The following SUSD4 variants were observed in gnomAD, a reference collection of about 807,000 sequenced individuals.
SUSD4 encodes sushi domain containing 4.
SUSD4 carries 41 observed loss-of-function variants against 50.5 expected under a neutral mutation model. That is an observed-to-expected ratio of 0.81 (90% confidence interval 0.63 to 1.05). The LOEUF (loss-of-function observed/expected upper bound fraction) is 1.05. Ranked by LOEUF, SUSD4 falls within the 50% of genes least tolerant of loss-of-function variation. The pLI is 0.00. For missense variants in SUSD4, 580 were observed against 634.7 expected, an observed-to-expected ratio of 0.91 and a Z score of 0.93; for synonymous variants, 257 against 257.3, an observed-to-expected ratio of 1.00 and a Z score of 0.01.
At chr1:223,311,277 G>A (rs1453628138) in intron 2 of SUSD4, among the ~76,000 whole-genome samples, 1 of 152,224 alleles carries the variant, frequency 6.6e-6, no homozygotes, top group Admixed American at 6.5e-5. Context: ...GGTTTGTGAA[G>A]AAAGGAAGTA....
chr1:223,324,164 G>A (rs1432259570), intron 2 of SUSD4, among the ~76,000 whole-genome samples: 1 of 147,054 alleles, frequency 6.8e-6, no homozygotes, highest in Non-Finnish European at 1.5e-5. Context: ...ATGGCATCAG[G>A]CACATAGTGG....
intron 2 of SUSD4, among the ~76,000 whole-genome samples, chr1:223,301,806 C>A (rs1361757724): frequency 6.6e-6 from 1 of 152,148 alleles, no homozygotes; most frequent in Non-Finnish European, 1.5e-5. Context: ...CTAAAATGAA[C>A]CGTGTCAGTT....
intron 2 of SUSD4, among the ~76,000 whole-genome samples, chr1:223,341,833 C>T (rs1408957713): frequency 6.6e-6 from 1 of 151,858 alleles, no homozygotes; most frequent in East Asian, 2.0e-4. Flanking sequence ...GGGTACAAAC[C>T]CATTTCACCC....
At chr1:223,362,942 C>T (rs1669074462) in intron 2 of SUSD4, among the ~76,000 whole-genome samples, 1 of 24,082 alleles carries the variant, frequency 4.2e-5, no homozygotes, top group Admixed American at 3.6e-4. Flanking sequence ...CACCCCCCAC[C>T]CCTCCCCCCC....
chr1:223,355,230 T>C (rs1471253848), intron 2 of SUSD4, among the ~76,000 whole-genome samples: 1 of 152,084 alleles, frequency 6.6e-6, no homozygotes, highest in African/African-American at 2.4e-5. Flanking sequence ...CATGCCACCA[T>C]GCCCAGCTAA....
intron 3 of SUSD4, among the ~76,000 whole-genome samples, chr1:223,283,269 G>T (rs1282260704): frequency 2.0e-5 from 3 of 152,086 alleles, no homozygotes; most frequent in Non-Finnish European, 2.9e-5. Flanking sequence ...CACAGCAAAA[G>T]AAACTACCAT....
chr1:223,286,247 C>T (rs568642695), intron 3 of SUSD4, among the ~76,000 whole-genome samples: 38 of 152,330 alleles, frequency 2.5e-4, no homozygotes, highest in Non-Finnish European at 4.4e-4. Flanking sequence ...TCCCGAGTAG[C>T]TGGGACTACA....
At chr1:223,281,821 T>C (rs554523979) in intron 3 of SUSD4, among the ~76,000 whole-genome samples, 2 of 152,210 alleles carry the variant, frequency 1.3e-5, no homozygotes, top group South Asian at 2.1e-4. Flanking sequence ...CTGATAAACA[T>C]CGATGCAAAA....
At chr1:223,309,325 C>T (rs1352524148) in intron 2 of SUSD4, among the ~76,000 whole-genome samples, 1 of 152,198 alleles carries the variant, frequency 6.6e-6, no homozygotes, top group South Asian at 2.1e-4. Context: ...CTTACACCCG[C>T]ACTCTGCTGT....
chr1:223,299,134 C>T (rs1230491693), intron 2 of SUSD4, among the ~76,000 whole-genome samples: 2 of 152,214 alleles, frequency 1.3e-5, no homozygotes, highest in African/African-American at 4.8e-5. Context: ...CAGATCAATT[C>T]CCAGCCTGGG....
chr1:223,281,274 C>A (rs1663704172), intron 3 of SUSD4, among the ~76,000 whole-genome samples: 1 of 152,034 alleles, frequency 6.6e-6, no homozygotes, highest in Non-Finnish European at 1.5e-5. Flanking sequence ...ACAAAAAACC[C>A]TTCAAAAAAT....
At chr1:223,355,782 C>G (rs184258464) in intron 2 of SUSD4, among the ~76,000 whole-genome samples, 87 of 152,236 alleles carry the variant, frequency 5.7e-4, no homozygotes, top group Middle Eastern at 3.4e-3. Context: ...AGAACGTCAC[C>G]CTTACTCATC....
intron 5 of SUSD4, among the ~76,000 whole-genome samples, chr1:223,247,169 G>A (rs1481361863): frequency 1.3e-5 from 2 of 152,162 alleles, no homozygotes; most frequent in African/African-American, 4.8e-5. Context: ...CACACAGCTC[G>A]TGGGAGAGGC....
chr1:223,315,477 C>G (rs181271317), intron 2 of SUSD4, among the ~76,000 whole-genome samples: 1 of 152,208 alleles, frequency 6.6e-6, no homozygotes, highest in Admixed American at 6.5e-5. Context: ...CCGCGGACTC[C>G]GCCAACTGGT....
chr1:223,273,247 T>C (rs139170760), intron 3 of SUSD4, among the ~76,000 whole-genome samples: 111 of 152,266 alleles, frequency 7.3e-4, no homozygotes, highest in African/African-American at 2.2e-3. Context: ...ACAGGCCAGA[T>C]CATGCAGGGC....
Position 223,229,360 on chromosome 1 carries a change from G to T in SUSD4, c.753C>A (p.His251Gln). 1 of 1,603,596 alleles carries T rather than the reference G, an allele frequency of 6.2e-7. No individual in the cohort carries two copies. Among genetic ancestry groups the T allele is most frequent in the Non-Finnish European group, 8.5e-7 (1 of 1,171,944 alleles). The change falls in exon 6 of 9, where the codon CAC (histidine) becomes CAA (glutamine). Residue 251 changes from histidine (H) to glutamine (Q), a missense_variant. Physicochemically the swap from His to Gln is conservative, Grantham distance 24. Coordinates refer to ENST00000366878, the MANE Select transcript of SUSD4 (RefSeq NM_017982.4). This position sits in a 1 kb window ranked among gnomAD's most constrained non-coding sequence, Gnocchi z 4.7. ...EVCPLPPMVS[H>Q]GDFVCHPRPC... ...GCCGCGGGTGGCAGACGAAATCTCC[G>T]TGACTCACCATTGGAGGTAGTGGAC...
intron 5 of SUSD4, among the ~76,000 whole-genome samples, chr1:223,253,086 C>A (rs1661445277): frequency 6.6e-6 from 1 of 150,852 alleles, no homozygotes; most frequent in Non-Finnish European, 1.5e-5. Flanking sequence ...GAGTGAGGCT[C>A]CGTTTCCAAA....
Position 223,363,457 on chromosome 1 carries a change from G to C in SUSD4, c.-32C>G, listed in dbSNP as rs778850805. The C allele has an allele frequency of 1.3e-6, 2 of 1,506,412 alleles. No individual in the cohort carries two copies. Among genetic ancestry groups the C allele is most frequent in the Non-Finnish European group, 1.8e-6 (2 of 1,119,078 alleles). 93.3% of individuals were successfully genotyped at this position (1,506,412 alleles called of 1,614,324 possible). A position where few individuals can be genotyped will look rare whatever the true frequency, so the allele number is the denominator to read the frequency against. On this transcript the variant is annotated 5_prime_UTR_variant, in exon 2 of 9. Coordinates refer to ENST00000366878, the MANE Select transcript of SUSD4 (RefSeq NM_017982.4). ...TCCACAGAGGGCATCCAGCTTGCAA[G>C]AGTCTGCAACCAGAAGCGGAACACC...
chr1:223,292,154 A>G (rs964706646), intron 3 of SUSD4, among the ~76,000 whole-genome samples: 1 of 152,232 alleles, frequency 6.6e-6, no homozygotes, highest in African/African-American at 2.4e-5. Context: ...GCCTAATAAT[A>G]AATACCCGTA....
Sources: allele counts gnomAD v4.1 joint callset (sites outside exome capture counted in the v4.1 genomes callset), GRCh38; gene constraint gnomAD v4.1.1; non-coding constraint Gnocchi (gnomAD v3.1); transcripts MANE v1.5; gene names NCBI Gene and HGNC (gene_info 2026-07-23, HGNC 2026-07-21).